Variants in MRTFA observed in about 807,000 individuals in gnomAD.
The protein encoded by MRTFA is myocardin-related transcription factor A.
Under a neutral mutation model 83.5 loss-of-function variants are expected in MRTFA, and 20 were observed. The ratio of observed to expected loss-of-function variants is 0.24; its 90% CI spans 0.17 to 0.35. MRTFA has a LOEUF of 0.35. Ranked by LOEUF, MRTFA falls within the 10% of genes least tolerant of loss-of-function variation. The pLI, the probability that MRTFA is intolerant of heterozygous loss-of-function variation, is 1.00. For synonymous variants in MRTFA, 659 were observed against 541.2 expected (o/e 1.22, Z -3.02); for missense variants, 1,200 against 1,224.7 (o/e 0.98, Z 0.30).
At chr22:40,527,118 C>G (rs969292572) in intron 3 of MRTFA, among the ~76,000 whole-genome samples, 1 of 149,922 alleles carries the variant, frequency 6.7e-6, no homozygotes, top group Non-Finnish European at 1.5e-5. Flanking sequence ...AGAGCAAGAC[C>G]TCGCCTCAAA....
intron 4 of MRTFA, among the ~76,000 whole-genome samples, chr22:40,459,471 T>A (rs1288645209): frequency 6.6e-6 from 1 of 151,978 alleles, no homozygotes; most frequent in African/African-American, 2.4e-5. Context: ...AAATGCAATA[T>A]TCTCATAGAA....
At chr22:40,432,288 A>C (rs2053083828) in intron 5 of MRTFA, among the ~76,000 whole-genome samples, 1 of 152,060 alleles carries the variant, frequency 6.6e-6, no homozygotes, top group Non-Finnish European at 1.5e-5. Context: ...AAAAAACCCC[A>C]AAAACCTGTA....
intron 1 of MRTFA, among the ~76,000 whole-genome samples, chr22:40,625,370 C>T (rs2056569349): frequency 1.3e-5 from 2 of 151,608 alleles, no homozygotes; most frequent in South Asian, 2.1e-4. Context: ...AATCCCAACA[C>T]TTTGGGAAGC....
intron 3 of MRTFA, among the ~76,000 whole-genome samples, chr22:40,489,350 T>A (rs2054230571): frequency 6.8e-6 from 1 of 146,958 alleles, no homozygotes; most frequent in African/African-American, 2.5e-5. Flanking sequence ...AATTTCAAAT[T>A]TTTTTTTTTT....
intron 3 of MRTFA, among the ~76,000 whole-genome samples, chr22:40,509,070 G>C (rs979376267): frequency 1.3e-5 from 2 of 152,144 alleles, no homozygotes; most frequent in Non-Finnish European, 2.9e-5. Flanking sequence ...CAATTTTCGA[G>C]GAAGTCACAA....
chr22:40,449,563 C>T (rs1443763606), intron 4 of MRTFA, among the ~76,000 whole-genome samples: 4 of 152,142 alleles, frequency 2.6e-5, no homozygotes, highest in South Asian at 2.1e-4. Flanking sequence ...TTGGGTAATG[C>T]TAAAGCCACT....
At chr22:40,504,050 A>G (rs1196900659) in intron 3 of MRTFA, among the ~76,000 whole-genome samples, 1 of 152,218 alleles carries the variant, frequency 6.6e-6, no homozygotes, top group Non-Finnish European at 1.5e-5. Context: ...TAAATGGTAA[A>G]TAAAGTTCAA....
chr22:40,470,229 TTTTATATATATATA>T lies in MRTFA; in HGVS notation c.242-6957_242-6944del, dbSNP rs1339656878. Among the ~76,000 whole-genome samples, 15 of 58,764 alleles carry T rather than the reference TTTTATATATATATA, an allele frequency of 2.6e-4. No individual in the cohort carries two copies. In the East Asian group the frequency reaches 6.5e-3, roughly 26 times the overall value. 38.6% of individuals were successfully genotyped at this position (58,764 alleles called of 152,430 possible). On this transcript the variant is annotated intron_variant, in intron 3 of 14. Coordinates refer to ENST00000355630, the MANE Select transcript of MRTFA (RefSeq NM_020831.6). ...ACACAGCAAGACCCCATCTCCAAAA[TTTTATATATATATA>T]TATATATATATATATATATATATAT...
chr22:40,540,879 G>A (rs1200698838), intron 3 of MRTFA, among the ~76,000 whole-genome samples: 1 of 151,134 alleles, frequency 6.6e-6, no homozygotes, highest in Non-Finnish European at 1.5e-5. Context: ...TCATAAATGT[G>A]TGCCAAGTGG....
chr22:40,534,696 C>T (rs1345552099), intron 3 of MRTFA, among the ~76,000 whole-genome samples: 1 of 152,154 alleles, frequency 6.6e-6, no homozygotes, highest in Non-Finnish European at 1.5e-5. Context: ...AACTGATATT[C>T]ATAACAATGA....
intron 1 of MRTFA, among the ~76,000 whole-genome samples, chr22:40,612,491 G>C (rs1198015171): frequency 6.6e-6 from 1 of 152,156 alleles, no homozygotes. Context: ...GCACGCAAAC[G>C]TTTTTTGTTT....
At chr22:40,584,324 T>C (rs2055992658) in intron 2 of MRTFA, among the ~76,000 whole-genome samples, 1 of 152,244 alleles carries the variant, frequency 6.6e-6, no homozygotes, top group Non-Finnish European at 1.5e-5. Flanking sequence ...CCAGACATCA[T>C]GACTCCCAAG....
At chr22:40,455,661 A>C (rs2053571814) in intron 4 of MRTFA, among the ~76,000 whole-genome samples, 1 of 149,790 alleles carries the variant, frequency 6.7e-6, no homozygotes, top group African/African-American at 2.4e-5. Flanking sequence ...AAAAAAAAAA[A>C]AAACATATGG....
At chr22:40,534,209 G>A (rs910545794) in intron 3 of MRTFA, among the ~76,000 whole-genome samples, 21 of 152,090 alleles carry the variant, frequency 1.4e-4, no homozygotes, top group African/African-American at 5.1e-4. Context: ...GAATTCCAAC[G>A]GCTTTTTTAT....
At chr22:40,596,773 C>G (rs1467075903) in intron 1 of MRTFA, among the ~76,000 whole-genome samples, 2 of 152,136 alleles carry the variant, frequency 1.3e-5, no homozygotes, top group Admixed American at 6.6e-5. Flanking sequence ...CTGCTGCACT[C>G]TAGCCTGGGT....
At chr22:40,555,704 T>G (rs1007922597) in intron 2 of MRTFA, among the ~76,000 whole-genome samples, 1 of 151,740 alleles carries the variant, frequency 6.6e-6, no homozygotes, top group Non-Finnish European at 1.5e-5. Flanking sequence ...TGGCGTGATC[T>G]CAGCTCACTG....
intron 5 of MRTFA, among the ~76,000 whole-genome samples, chr22:40,433,865 C>A (rs944055516): frequency 3.3e-5 from 5 of 152,146 alleles, no homozygotes; most frequent in African/African-American, 1.2e-4. Flanking sequence ...ATGTGGAAGT[C>A]ATTTGTGAAT....
At position 40,416,976 on chromosome 22, in the gene MRTFA, C is replaced by T. The variant is rs1202312617; in HGVS notation, c.2578+10G>A. ...GGCCGTCAGGGAGGCAGCAGGGGAC[C>T]TGGGGTTACCTCCGCTCTGAATGAG... On this transcript the variant is annotated intron_variant, in intron 14 of 14. Coordinates refer to ENST00000355630, the MANE Select transcript of MRTFA (RefSeq NM_020831.6). This position sits in a 1 kb window ranked among gnomAD's most constrained non-coding sequence, Gnocchi z 4.2. The T allele has an allele frequency of 6.3e-7, 1 of 1,590,748 alleles. No individual in the cohort carries two copies.
chr22:40,421,216 T>A, intron 9 of MRTFA, 116 bp from the exon 10 acceptor site: 1 of 1,233,504 alleles, frequency 8.1e-7, no homozygotes, highest in South Asian at 1.6e-5. Flanking sequence ...ATCCACACTT[T>A]GCCCATTTCC....
Sources: gnomAD v4.1 joint callset for allele counts (sites outside exome capture counted in the v4.1 genomes callset) on GRCh38, gnomAD v4.1.1 for gene constraint, Gnocchi (gnomAD v3.1) non-coding constraint, MANE v1.5 for transcripts, NCBI Gene and HGNC (gene_info 2026-07-23, HGNC 2026-07-21) for gene names.